The following EXTL3 variants were observed in gnomAD, a reference collection of about 807,000 sequenced individuals.
The protein encoded by EXTL3 is exostosin like glycosyltransferase 3, also known as exostosin-like 3.
In EXTL3, 27 loss-of-function variants were observed where a neutral mutation model predicts 69.3. The observed-to-expected ratio is 0.39, with a 90% confidence interval of 0.29 to 0.54. EXTL3 has a LOEUF of 0.54. Among genes scored for constraint, EXTL3 ranks in the 20% least tolerant of loss-of-function variants. EXTL3 has a pLI of 0.69. For synonymous variants in EXTL3, 511 were observed against 499.4 expected, an observed-to-expected ratio of 1.02 and a Z score of -0.31; for missense variants, 1,003 against 1,231.8, an observed-to-expected ratio of 0.81 and a Z score of 2.78.
chr8:28,643,807 C>A lies in EXTL3; in HGVS notation c.-53+20997C>A, dbSNP rs894256014. Among the ~76,000 whole-genome samples, 3 of 152,046 alleles carry A rather than the reference C, an allele frequency of 2.0e-5. No individual in the cohort carries two copies. In the East Asian group the frequency reaches 5.8e-4, roughly 29 times the overall value. ...ATGATACAGGGTCTTGCCTTGTCACCCAAGCTGGAGTACAGTGTCACAATC... is the reference window on the plus strand; with the variant it reads ...ATGATACAGGGTCTTGCCTTGTCACACAAGCTGGAGTACAGTGTCACAATC... On this transcript the variant is annotated intron_variant, in intron 1 of 6. Transcript: ENST00000523149.
intron 5 of EXTL3, chr8:28,740,772 A>G (rs1030254140): frequency 6.6e-6 from 1 of 152,128 alleles, no homozygotes; most frequent in African/African-American, 2.4e-5. Flanking sequence ...GCATGTGTCT[A>G]TTACTGATAG....
chr8:28,744,516 T>G (rs1310052817), intron 6 of EXTL3, among the ~76,000 whole-genome samples: 2 of 152,106 alleles, frequency 1.3e-5, no homozygotes, highest in Non-Finnish European at 2.9e-5. Flanking sequence ...CAAATTAGGC[T>G]GGGCGCAGTG....
At chr8:28,614,272 C>CTTTT (rs35659799) in intron 2 of EXTL3, among the ~76,000 whole-genome samples, 24 of 104,864 alleles carry the variant, frequency 2.3e-4, no homozygotes, top group Non-Finnish European at 2.5e-4. Context: ...GGGTTTTTTG[C>CTTTT]TTTTTTTTTT....
chr8:28,680,967 G>A (rs542302176), intron 1 of EXTL3, among the ~76,000 whole-genome samples: 4 of 151,852 alleles, frequency 2.6e-5, no homozygotes, highest in South Asian at 2.1e-4. Flanking sequence ...AACCTCCGCC[G>A]CCTGGGTTCA....
At position 28,749,666 on chromosome 8, in the gene EXTL3, A is replaced by C. The variant is rs7465189; in HGVS notation, c.2551-991A>C. Among the ~76,000 whole-genome samples, 94 of 137,328 alleles carry C rather than the reference A, an allele frequency of 6.8e-4. No homozygotes were observed. The Middle Eastern group carries it at 0.016, about 24-fold the overall frequency. The allele number at this position is 137,328 out of a possible 152,430, so 90.1% of individuals were successfully genotyped here. A position where few individuals can be genotyped will look rare whatever the true frequency, so the allele number is the denominator to read the frequency against. ...TCATTCATTCATTCATTCATTCATT[A>C]TTCATTGTTTATTCATGCATGCATG... On this transcript the variant is annotated intron_variant, in intron 6 of 6. Transcript: ENST00000220562.
intron 3 of EXTL3, among the ~76,000 whole-genome samples, chr8:28,725,605 T>G (rs1320180613): frequency 1.3e-5 from 2 of 152,226 alleles, no homozygotes; most frequent in Admixed American, 6.5e-5. Flanking sequence ...ATAAAACATT[T>G]GTTGAACATC....
chr8:28,749,590 G>T (rs1352419684), intron 6 of EXTL3, among the ~76,000 whole-genome samples: 1 of 152,126 alleles, frequency 6.6e-6, no homozygotes, highest in Non-Finnish European at 1.5e-5. Flanking sequence ...CTATCTTGCA[G>T]GATTTGCTTT....
intron 1 of EXTL3, among the ~76,000 whole-genome samples, chr8:28,684,767 A>T (rs1373354018): frequency 6.6e-6 from 1 of 152,124 alleles, no homozygotes; most frequent in African/African-American, 2.4e-5. Context: ...TAAAAAAGTT[A>T]ATTTTGAAAA....
At chr8:28,707,699 A>G (rs1800951934) in intron 1 of EXTL3, among the ~76,000 whole-genome samples, 1 of 151,954 alleles carries the variant, frequency 6.6e-6, no homozygotes, top group South Asian at 2.1e-4. Context: ...TTTCCCCCAC[A>G]CCTAGGAATT....
chr8:28,640,960 G>A (rs1806733138), intron 1 of EXTL3, among the ~76,000 whole-genome samples: 2 of 152,068 alleles, frequency 1.3e-5, no homozygotes, highest in South Asian at 4.1e-4. Flanking sequence ...TTAATACAAA[G>A]GAATCTTATT....
At chr8:28,728,154 G>A (rs779419344) in intron 3 of EXTL3, among the ~76,000 whole-genome samples, 5 of 152,210 alleles carry the variant, frequency 3.3e-5, no homozygotes, top group Non-Finnish European at 7.3e-5. Context: ...GCTACCATAT[G>A]CCGTCATTTC....
At chr8:28,643,416 T>C (rs1348415179) in intron 1 of EXTL3, among the ~76,000 whole-genome samples, 1 of 110,530 alleles carries the variant, frequency 9.0e-6, no homozygotes, top group African/African-American at 4.0e-5. Context: ...TTCTTTTTTT[T>C]TCTTTTTTTC....
At chr8:28,649,880 C>G (rs1013073742) in intron 1 of EXTL3, among the ~76,000 whole-genome samples, 1 of 151,816 alleles carries the variant, frequency 6.6e-6, no homozygotes, top group Non-Finnish European at 1.5e-5. Flanking sequence ...AAGCTATAAG[C>G]AGTAAGGTAA....
At chr8:28,747,216 C>T (rs566316134) in intron 6 of EXTL3, among the ~76,000 whole-genome samples, 2 of 152,162 alleles carry the variant, frequency 1.3e-5, no homozygotes, top group South Asian at 4.1e-4. Context: ...AGATTCCTGA[C>T]CCCTACATCC....
At chr8:28,733,560 A>G (rs1394892106) in intron 4 of EXTL3, among the ~76,000 whole-genome samples, 1 of 129,946 alleles carries the variant, frequency 7.7e-6, no homozygotes. Flanking sequence ...TAATCTTTAC[A>G]TTTTTTTTTT....
intron 1 of EXTL3, among the ~76,000 whole-genome samples, chr8:28,659,651 A>G (rs1807075670): frequency 6.6e-6 from 1 of 152,120 alleles, no homozygotes; most frequent in Non-Finnish European, 1.5e-5. Flanking sequence ...GGTCGCCCCA[A>G]CATCAGCAAG....
intron 1 of EXTL3, among the ~76,000 whole-genome samples, chr8:28,650,714 G>A (rs377292089): frequency 7.2e-5 from 11 of 151,974 alleles, no homozygotes; most frequent in African/African-American, 1.7e-4. Flanking sequence ...TCTTATGTCC[G>A]TCTGATGCCA....
chr8:28,688,301 G>C (rs1373327997), intron 1 of EXTL3, among the ~76,000 whole-genome samples: 1 of 152,116 alleles, frequency 6.6e-6, no homozygotes, highest in South Asian at 2.1e-4. Flanking sequence ...CTGACCTCAG[G>C]TGATCCGTCC....
chr8:28,699,943 G>A (rs1331884867), upstream of EXTL3: 1 of 152,224 alleles, frequency 6.6e-6, no homozygotes, highest in Admixed American at 6.5e-5. Context: ...ATGAACCAAG[G>A]CCTGGTAGTT....
Sources: allele counts gnomAD v4.1 joint callset (sites outside exome capture counted in the v4.1 genomes callset), GRCh38; gene constraint gnomAD v4.1.1; transcripts MANE v1.5; gene names NCBI Gene and HGNC (gene_info 2026-07-23, HGNC 2026-07-21).